Variants in DEAF1 observed in about 807,000 individuals in gnomAD.
The protein encoded by DEAF1 is DEAF1 transcription factor, also known as deformed epidermal autoregulatory factor 1 homolog.
A neutral mutation model predicts 58.9 loss-of-function variants in DEAF1; 53 were observed. That is an observed-to-expected ratio of 0.90 (90% CI 0.72 to 1.13). The LOEUF is 1.13. DEAF1 is among the 50% of genes most tolerant of loss of function. DEAF1 has a pLI of 0.00. For missense variants in DEAF1, 685 were observed against 791.4 expected (o/e 0.87, Z 1.61); for synonymous variants, 385 against 340.4 (o/e 1.13, Z -1.44).
chr11:668,371 A>G (rs546694332), intron 10 of DEAF1, among the ~76,000 whole-genome samples: 1 of 152,340 alleles, frequency 6.6e-6, no homozygotes, highest in Admixed American at 6.5e-5. Flanking sequence ...TCAAGTGTAT[A>G]TGCAATATTC....
At chr11:648,715 C>T (rs4074376) in intron 11 of DEAF1, among the ~76,000 whole-genome samples, 3 of 152,118 alleles carry the variant, frequency 2.0e-5, no homozygotes, top group African/African-American at 7.2e-5. Context: ...GAAATTCTAT[C>T]CTCCTACTGA....
chr11:701,558 C>A (rs563066795), intron 1 of DEAF1, among the ~76,000 whole-genome samples: 1 of 152,096 alleles, frequency 6.6e-6, no homozygotes, highest in South Asian at 2.1e-4. Flanking sequence ...CTACAGGTGC[C>A]CGCCACCACG....
intron 1 of DEAF1, among the ~76,000 whole-genome samples, chr11:691,852 A>G (rs566471353): frequency 6.6e-6 from 1 of 152,314 alleles, no homozygotes; most frequent in South Asian, 2.1e-4. Context: ...TAAAAAATGC[A>G]TACAACAAAC....
intron 10 of DEAF1, among the ~76,000 whole-genome samples, chr11:660,946 T>C (rs914260541): frequency 2.6e-4 from 40 of 152,186 alleles, no homozygotes; most frequent in South Asian, 1.9e-3. Context: ...GTCTCCACCC[T>C]TCCAGATCCC....
intron 1 of DEAF1, 46 bp from the exon 2 acceptor site, chr11:691,644 G>T (rs1274860876): frequency 6.4e-7 from 1 of 1,567,428 alleles, no homozygotes; most frequent in Non-Finnish European, 8.7e-7. Flanking sequence ...AAGCCAGAAT[G>T]GACAAAGCGA....
In DEAF1 at chr11:694,905, G is replaced by A. The variant is rs1409903025; in HGVS notation, c.143C>T (p.Ser48Leu). Residue 48 changes from serine (S) to leucine (L), a missense_variant, in exon 1 of 12, where the codon TCG (serine) becomes TTG (leucine). Ser to Leu is a moderately radical substitution (Grantham distance 145, BLOSUM62 -2). Around this residue, in one of 3 missense-constraint regions of DEAF1, gnomAD observed 210 missense variants for 177.3 expected, o/e 1.18. Transcript: ENST00000382409. ...EEPVLSRDED[S>L]EEDADSEAER... ...CGCCTCCGAGTCTGCGTCCTCCTCC[G>A]AGTCCTCGTCCCTGCTCAGCACCGG... 5 of 1,490,634 alleles carry A rather than the reference G, an allele frequency of 3.4e-6. No homozygotes were observed. The highest frequency in any genetic ancestry group is 3.6e-6 in the Non-Finnish European group (4 of 1,123,868). The allele number at this position is 1,490,634 out of a possible 1,614,324, so 92.3% of individuals were successfully genotyped here. A position where few individuals can be genotyped will look rare whatever the true frequency, so the allele number is the denominator to read the frequency against.
In DEAF1 at chr11:694,654, G is replaced by C. The variant is rs1861021480; in HGVS notation, c.289+105C>G. On this transcript the variant is annotated intron_variant, in intron 1 of 11. Transcript: ENST00000382409. ...GGCTGGTCACGTGGAGCAGGTGTGA[G>C]GGACAGGTGTGGCGGGCTGGTCACC... 7.3e-6 allele frequency: 8 copies of C among 1,102,638 alleles called. No homozygotes were observed. The African/African-American group carries it at 1.2e-4, about 16-fold the overall frequency. 68.3% of individuals were successfully genotyped at this position (1,102,638 alleles called of 1,614,324 possible).
chr11:656,415 C>T (rs1176330119), intron 10 of DEAF1, among the ~76,000 whole-genome samples: 1 of 152,258 alleles, frequency 6.6e-6, no homozygotes, highest in Non-Finnish European at 1.5e-5. Flanking sequence ...GCCTTGGCCT[C>T]CCAAAATGCT....
At chr11:680,820 G>T in intron 7 of DEAF1, 143 bp downstream of exon 7, 1 of 1,237,232 alleles carries the variant, frequency 8.1e-7, no homozygotes, top group Non-Finnish European at 1.2e-6. Flanking sequence ...CACTGCAAAG[G>T]AGTGTGATGG....
intron 10 of DEAF1, among the ~76,000 whole-genome samples, chr11:663,114 C>G (rs1327520216): frequency 6.6e-6 from 1 of 152,172 alleles, no homozygotes; most frequent in Non-Finnish European, 1.5e-5. Flanking sequence ...GTGTTCAGGA[C>G]CAGCCTCGGC....
chr11:659,162 C>T (rs931554101), intron 10 of DEAF1, among the ~76,000 whole-genome samples: 1 of 147,976 alleles, frequency 6.8e-6, no homozygotes, highest in African/African-American at 2.5e-5. Context: ...GAGGCCGAGG[C>T]GGGAGCATCG....
chr11:649,356 A>G (rs371136040), intron 11 of DEAF1, among the ~76,000 whole-genome samples: 1 of 151,514 alleles, frequency 6.6e-6, no homozygotes, highest in East Asian at 2.0e-4. Context: ...CGGGAAGCGG[A>G]GGTTGCACTG....
In DEAF1 at chr11:687,988, G is replaced by A; in HGVS notation, c.587C>T (p.Pro196Leu). Reference protein sequence around the residue: ...EKGGTKYNWDPSVYDSELPVR... With the variant: ...EKGGTKYNWDLSVYDSELPVR... Reference sequence around the variant, plus strand: ...GGGCAGCTCACTGTCGTACACAGAAGGGTCCCAGTTGTATTTAGTTCCACC... The same window carrying A: ...GGGCAGCTCACTGTCGTACACAGAAAGGTCCCAGTTGTATTTAGTTCCACC... The change falls in exon 4 of 12, where the codon CCT becomes CTT. Residue 196 changes from proline (P) to leucine (L), a missense_variant. This residue lies in a region of DEAF1 where 132 missense variants were observed against 234.3 expected (regional missense o/e 0.56). Transcript: ENST00000382409. 1.9e-6 allele frequency: 3 copies of A among 1,614,126 alleles called. No individual in the cohort carries two copies. Among genetic ancestry groups the A allele is most frequent in the Non-Finnish European group, 1.7e-6 (2 of 1,180,030 alleles).
upstream of DEAF1, chr11:695,360 A>G (rs763119516): frequency 9.7e-4 from 417 of 429,566 alleles, no homozygotes; most frequent in Admixed American, 1.5e-3. Context: ...CAGTCCGAAT[A>G]GGTCCGAGTC....
At chr11:691,905 G>A (rs141983561) in intron 1 of DEAF1, among the ~76,000 whole-genome samples, 52 of 152,232 alleles carry the variant, frequency 3.4e-4, no homozygotes, top group African/African-American at 1.2e-3. Context: ...CCACCACGGG[G>A]CTTCTATCTC....
At chr11:686,291 CAAA>C (rs780059988) in intron 5 of DEAF1, among the ~76,000 whole-genome samples, 3 of 100,194 alleles carry the variant, frequency 3.0e-5, no homozygotes, top group Non-Finnish European at 1.9e-5. Context: ...GACTCTGTCT[CAAA>C]AAAAAAAAAA....
chr11:703,828 G>T, intron 1 of DEAF1: 1 of 1,234,856 alleles, frequency 8.1e-7, no homozygotes, highest in Non-Finnish European at 1.0e-6. Flanking sequence ...CAGGGCTAAG[G>T]CCGGGGATGA....
chr11:705,896 C>G (rs1861691096), intron 1 of DEAF1, among the ~76,000 whole-genome samples: 1 of 152,240 alleles, frequency 6.6e-6, no homozygotes, highest in Non-Finnish European at 1.5e-5. Flanking sequence ...AGGCCTCGCC[C>G]TGCTCATCCC....
rs771628059 is a variant in DEAF1 at position 678,794 on chromosome 11, G to A, written c.1155C>T (p.Cys385=). 7 of 1,614,148 alleles carry A rather than the reference G, an allele frequency of 4.3e-6. No individual in the cohort carries two copies. In the South Asian group the frequency reaches 7.7e-5, roughly 18 times the overall value. ...TVQEASVQPP[C]RASHPEPHYP... ...AGTGAGGCTCAGGGTGGCTGGCCCT[G>A]CATGGGGGCTGCACGCTGGCCTCTT... is the stretch of plus-strand genomic sequence containing the variant. Residue 385 remains cysteine, a synonymous_variant, in exon 9 of 12, where the codon TGC becomes TGT. Transcript: ENST00000382409.
Sources: allele counts gnomAD v4.1 joint callset (sites outside exome capture counted in the v4.1 genomes callset), GRCh38; gene constraint gnomAD v4.1.1; regional missense constraint gnomAD v4.1.1; transcripts MANE v1.5; gene names NCBI Gene and HGNC (gene_info 2026-07-23, HGNC 2026-07-21).